The following TPTE2 variants were observed in gnomAD, a reference collection of about 807,000 sequenced individuals.
The protein encoded by TPTE2 is transmembrane phosphoinositide 3-phosphatase and tensin homolog 2.
In TPTE2, 53 loss-of-function variants were observed where a neutral mutation model predicts 78.6. The ratio of observed to expected loss-of-function variants is 0.67; its 90% CI spans 0.54 to 0.85. The LOEUF (loss-of-function observed/expected upper bound fraction) is 0.85, where lower values mean the gene tolerates loss of function less well. Ranked by LOEUF, TPTE2 falls within the 40% of genes least tolerant of loss-of-function variation. The probability of loss-of-function intolerance (pLI) is 0.00; values close to 1 mark genes in which losing one functional copy is unlikely to be tolerated. For synonymous variants in TPTE2, 175 were observed against 206.2 expected (o/e 0.85, Z 1.30); for missense variants, 461 against 623.0 (o/e 0.74, Z 2.77).
intron 13 of TPTE2, among the ~76,000 whole-genome samples, chr13:19,440,316 T>C (rs1181989763): frequency 1.3e-5 from 2 of 152,060 alleles, no homozygotes; most frequent in Non-Finnish European, 2.9e-5. Context: ...GTTCAGCATA[T>C]GCAAACCAAT....
chr13:19,509,230 A>C (rs1869268752), intron 1 of TPTE2, among the ~76,000 whole-genome samples: 1 of 152,204 alleles, frequency 6.6e-6, no homozygotes, highest in Non-Finnish European at 1.5e-5. Context: ...GTTGGAAAAG[A>C]AGCACAGGGC....
chr13:19,546,220 C>T, the TPTE2 span, among the ~76,000 whole-genome samples: 7 of 152,022 alleles, frequency 4.6e-5, no homozygotes, highest in African/African-American at 1.7e-4. Context: ...AAAAAAAAAC[C>T]TGTGCACGGC....
chr13:19,509,712 C>T (rs968220305), intron 1 of TPTE2, among the ~76,000 whole-genome samples: 1 of 152,016 alleles, frequency 6.6e-6, no homozygotes, highest in African/African-American at 2.4e-5. Flanking sequence ...TCTATGTCAA[C>T]ATATAAAGGC....
chr13:19,483,879 T>C lies in TPTE2; in HGVS notation c.120-1332A>G, dbSNP rs554872800. ...GTGCCATGTTGGTGTGCTGTGCCCA[T>C]TAACTCGTCATTTACATTAGGTATA... On this transcript the variant is annotated intron_variant, in intron 3 of 19. Coordinates refer to ENST00000400230, the Ensembl canonical transcript of TPTE2. 3.6e-3 allele frequency among the ~76,000 whole-genome samples: 542 copies of C among 152,252 alleles called. 3 individuals carry two copies. The highest frequency in any genetic ancestry group is 0.012 in the African/African-American group (499 of 41,538).
chr13:19,480,745 G>T (rs1257857210), intron 4 of TPTE2, among the ~76,000 whole-genome samples: 1 of 152,026 alleles, frequency 6.6e-6, no homozygotes, highest in East Asian at 1.9e-4. Flanking sequence ...TGTTAAGTGT[G>T]GGGGGGAGAA....
At chr13:19,457,263 C>T (rs1448066227) in intron 10 of TPTE2, among the ~76,000 whole-genome samples, 2 of 152,116 alleles carry the variant, frequency 1.3e-5, no homozygotes, top group Admixed American at 6.5e-5. Context: ...AGTAGTGCAA[C>T]CTACCATATG....
intron 10 of TPTE2, among the ~76,000 whole-genome samples, chr13:19,463,981 G>C (rs1272520256): frequency 1.3e-5 from 2 of 152,178 alleles, no homozygotes; most frequent in African/African-American, 4.8e-5. Context: ...GCATATGGTG[G>C]CTCTGCTGGT....
intron 1 of TPTE2, among the ~76,000 whole-genome samples, chr13:19,498,638 C>G (rs975786655): frequency 6.6e-6 from 1 of 151,418 alleles, no homozygotes; most frequent in African/African-American, 2.4e-5. Flanking sequence ...TAAAAGAGCT[C>G]CTGAAGGAAG....
chr13:19,561,277 G>A, the TPTE2 span: 3 of 1,132,014 alleles, frequency 2.7e-6, no homozygotes, highest in Non-Finnish European at 3.7e-6. Context: ...CACCTGACAC[G>A]CGGCTGCCCT....
chr13:19,523,029 A>T (rs1470107870), intron 1 of TPTE2, among the ~76,000 whole-genome samples: 1 of 152,178 alleles, frequency 6.6e-6, no homozygotes, highest in Non-Finnish European at 1.5e-5. Context: ...ACAAATATGA[A>T]CAAAGGCTGG....
chr13:19,426,774 G>A (rs1352389407), intron 17 of TPTE2, among the ~76,000 whole-genome samples: 2 of 152,004 alleles, frequency 1.3e-5, no homozygotes, highest in African/African-American at 2.4e-5. Flanking sequence ...GCGTGATCTC[G>A]GCTCATGGCA....
chr13:19,519,661 C>T (rs929194747), intron 1 of TPTE2, among the ~76,000 whole-genome samples: 8 of 152,186 alleles, frequency 5.3e-5, no homozygotes, highest in Non-Finnish European at 1.0e-4. Flanking sequence ...TCTAGTACTA[C>T]ACAATTTTAA....
intron 7 of TPTE2, 102 bp downstream of exon 10, chr13:19,467,123 G>A: frequency 4.4e-6 from 6 of 1,350,174 alleles, no homozygotes; most frequent in Non-Finnish European, 6.0e-6. Context: ...ATTTGGTATA[G>A]ATGAGAACAT....
intron 13 of TPTE2, among the ~76,000 whole-genome samples, chr13:19,445,805 G>T (rs1165973129): frequency 1.3e-5 from 2 of 152,188 alleles, no homozygotes; most frequent in Non-Finnish European, 2.9e-5. Flanking sequence ...GCTGGGTATG[G>T]TGGCGGACGC....
intron 1 of TPTE2, among the ~76,000 whole-genome samples, chr13:19,529,790 C>T (rs1332012917): frequency 6.6e-6 from 1 of 152,120 alleles, no homozygotes; most frequent in Non-Finnish European, 1.5e-5. Context: ...ATCCTGGAAA[C>T]ATTACTTCTC....
chr13:19,513,323 T>C (rs887331227), intron 1 of TPTE2, among the ~76,000 whole-genome samples: 1 of 152,202 alleles, frequency 6.6e-6, no homozygotes, highest in Non-Finnish European at 1.5e-5. Context: ...ATATGGTAAA[T>C]ATGACTTAGC....
At chr13:19,426,538 T>C (rs746940558) in intron 17 of TPTE2, 21 bp from the exon 21 acceptor site, 10 of 1,401,244 alleles carry the variant, frequency 7.1e-6, no homozygotes, top group Non-Finnish European at 1.0e-5. Flanking sequence ...ACACATGGAA[T>C]TGAGAACTAC....
chr13:19,458,203 TA>T (rs1160241584), intron 10 of TPTE2, among the ~76,000 whole-genome samples: 1 of 152,230 alleles, frequency 6.6e-6, no homozygotes, highest in Non-Finnish European at 1.5e-5. Context: ...TTGGAATTAC[TA>T]TTAATATTCA....
the TPTE2 span, chr13:19,560,967 C>T: frequency 1.1e-5 from 17 of 1,593,716 alleles, no homozygotes; most frequent in Non-Finnish European, 1.5e-5. Flanking sequence ...GCTTTGCAGT[C>T]CTCACAGGAT....
Sources: allele counts gnomAD v4.1 joint callset (sites outside exome capture counted in the v4.1 genomes callset), GRCh38; gene constraint gnomAD v4.1.1; transcripts MANE v1.5; gene names NCBI Gene and HGNC (gene_info 2026-07-23, HGNC 2026-07-21).